XKR6: variants seen among roughly 807,000 people sequenced by gnomAD.
The protein encoded by XKR6 is XK-related protein 6.
In XKR6, 22 loss-of-function variants were observed where a neutral mutation model predicts 56.7. The ratio of observed to expected loss-of-function variants is 0.39; its 90% CI spans 0.28 to 0.55. XKR6 has a LOEUF of 0.55. Among genes scored for constraint, XKR6 ranks in the 20% least tolerant of loss-of-function variants. XKR6 has a pLI of 0.66. For missense variants in XKR6, 852 were observed against 889.0 expected, an observed-to-expected ratio of 0.96 and a Z score of 0.53; for synonymous variants, 524 against 387.8, an observed-to-expected ratio of 1.35 and a Z score of -4.13.
At chr8:11,187,389 T>A (rs1803327404) in intron 1 of XKR6, among the ~76,000 whole-genome samples, 1 of 152,178 alleles carries the variant, frequency 6.6e-6, no homozygotes, top group Non-Finnish European at 1.5e-5. Context: ...CTTGACATTC[T>A]CAAAAGCTGC....
chr8:11,097,486 A>ATT lies in XKR6; in HGVS notation c.764+103089_764+103090insAA, dbSNP rs1253402709. Among the ~76,000 whole-genome samples, 338 of 144,658 alleles carry ATT rather than the reference A, an allele frequency of 2.3e-3. 1 individual carries two copies. Among genetic ancestry groups the ATT allele is most frequent in the African/African-American group, 4.1e-3 (152 of 37,252 alleles). The allele number at this position is 144,658 out of a possible 152,430, so 94.9% of individuals were successfully genotyped here. On this transcript the variant is annotated intron_variant, in intron 1 of 2. Coordinates refer to ENST00000416569, the MANE Select transcript of XKR6 (RefSeq NM_173683.4). ...GGCAATATTTTCTTTTTTTTTTTAA[A>ATT]AAAAAAAAGGCAATAAATATTGGTT...
intron 1 of XKR6, among the ~76,000 whole-genome samples, chr8:11,026,262 C>T (rs1310568139): frequency 6.6e-6 from 1 of 151,368 alleles, no homozygotes; most frequent in Non-Finnish European, 1.5e-5. Flanking sequence ...GCCTACTACA[C>T]TCTTAATGGT....
intron 1 of XKR6, among the ~76,000 whole-genome samples, chr8:10,976,139 G>A (rs986921879): frequency 6.6e-6 from 1 of 151,856 alleles, no homozygotes; most frequent in African/African-American, 2.4e-5. Context: ...TCGTGCCACT[G>A]CACTCCAGCC....
intron 1 of XKR6, among the ~76,000 whole-genome samples, chr8:10,928,540 T>A (rs927438012): frequency 6.6e-6 from 1 of 152,194 alleles, no homozygotes; most frequent in Non-Finnish European, 1.5e-5. Flanking sequence ...CCTCTGAGGC[T>A]GCGCTGCCAG....
chr8:10,971,525 C>T (rs533107725), intron 1 of XKR6, among the ~76,000 whole-genome samples: 186 of 152,150 alleles, frequency 1.2e-3, no homozygotes, highest in Admixed American at 2.1e-3. Context: ...GATCAATATT[C>T]CAGAGGGATC....
At chr8:11,137,568 G>C (rs773592115) in intron 1 of XKR6, 3 of 456,156 alleles carry the variant, frequency 6.6e-6, no homozygotes, top group South Asian at 1.5e-5. Flanking sequence ...GGAAGAAAAA[G>C]ACAGCAGGGA....
chr8:11,080,040 G>A (rs1329252481), intron 1 of XKR6, among the ~76,000 whole-genome samples: 1 of 151,776 alleles, frequency 6.6e-6, no homozygotes, highest in African/African-American at 2.4e-5. Context: ...AATCATAAAA[G>A]GTCCCCAAAC....
At chr8:10,974,720 C>G (rs958295002) in intron 1 of XKR6, among the ~76,000 whole-genome samples, 2 of 152,134 alleles carry the variant, frequency 1.3e-5, no homozygotes, top group African/African-American at 4.8e-5. Context: ...TGAGGTTCTC[C>G]TTCTTCTCCA....
intron 1 of XKR6, among the ~76,000 whole-genome samples, chr8:11,039,983 GT>G (rs894264084): frequency 6.6e-6 from 1 of 152,172 alleles, no homozygotes; most frequent in African/African-American, 2.4e-5. Flanking sequence ...CCCGGCTGGG[GT>G]TTCCCACCTT....
chr8:10,970,693 G>C, intron 1 of XKR6, among the ~76,000 whole-genome samples: 1 of 151,172 alleles, frequency 6.6e-6, no homozygotes, highest in African/African-American at 2.4e-5. Flanking sequence ...CCTCAGTTTT[G>C]TCTGTAACAT....
At chr8:10,954,516 T>C (rs1801816649) in intron 1 of XKR6, among the ~76,000 whole-genome samples, 2 of 152,240 alleles carry the variant, frequency 1.3e-5, no homozygotes, top group African/African-American at 4.8e-5. Context: ...GGTTTTCTCT[T>C]TATTATTGAG....
chr8:11,188,718 G>A (rs527921314), intron 1 of XKR6, among the ~76,000 whole-genome samples: 12 of 152,300 alleles, frequency 7.9e-5, no homozygotes, highest in African/African-American at 2.9e-4. Context: ...CAAAATGACA[G>A]ATTTGGAGTT....
chr8:11,198,928 A>C (rs1585047343), intron 1 of XKR6, among the ~76,000 whole-genome samples: 1 of 152,274 alleles, frequency 6.6e-6, no homozygotes, highest in East Asian at 1.9e-4. Flanking sequence ...CCAAAAAAAA[A>C]AAGGTATCTC....
At chr8:11,019,427 T>C (rs947005683) in intron 1 of XKR6, among the ~76,000 whole-genome samples, 2 of 152,184 alleles carry the variant, frequency 1.3e-5, no homozygotes, top group Non-Finnish European at 2.9e-5. Context: ...ATTGTAACTA[T>C]TCTTCCTCCA....
chr8:11,104,654 T>A (rs1368317256), intron 1 of XKR6: 1 of 152,226 alleles, frequency 6.6e-6, no homozygotes, highest in Non-Finnish European at 1.5e-5. Context: ...TTGTAGATGA[T>A]CAGAAATAAA....
chr8:11,019,557 G>A (rs534089304), intron 1 of XKR6, among the ~76,000 whole-genome samples: 3 of 152,354 alleles, frequency 2.0e-5, no homozygotes, highest in African/African-American at 7.2e-5. Context: ...GGAACAGGCT[G>A]CTAGAACGCG....
chr8:11,201,583 G>T lies in XKR6; in HGVS notation c.-244C>A, dbSNP rs1017824850. On this transcript the variant is annotated 5_prime_UTR_variant, in exon 1 of 3. Coordinates refer to ENST00000416569, the MANE Select transcript of XKR6 (RefSeq NM_173683.4). ...GCAGCTCCCCAGCCCTACCCTCCCG[G>T]CCAAGATGGCCGCCCTCCTGTGCCT... 4.6e-5 allele frequency among the ~76,000 whole-genome samples: 7 copies of T among 152,044 alleles called. No individual in the cohort carries two copies. The highest frequency in any genetic ancestry group is 8.8e-5 in the Non-Finnish European group (6 of 67,998).
chr8:11,105,699 T>G (rs547156312), intron 1 of XKR6: 2 of 152,198 alleles, frequency 1.3e-5, no homozygotes, highest in South Asian at 4.1e-4. Context: ...AGTACAAAGC[T>G]CTTTTATTTG....
chr8:11,088,095 T>C (rs1236956564), intron 1 of XKR6, among the ~76,000 whole-genome samples: 5 of 152,208 alleles, frequency 3.3e-5, no homozygotes, highest in African/African-American at 4.8e-5. Context: ...CAGATGGCTG[T>C]TTGAAAAAAT....
Sources: allele counts gnomAD v4.1 joint callset (sites outside exome capture counted in the v4.1 genomes callset), GRCh38; gene constraint gnomAD v4.1.1; transcripts MANE v1.5; gene names NCBI Gene and HGNC (gene_info 2026-07-23, HGNC 2026-07-21).